Variants in CANX observed in about 807,000 individuals in gnomAD.
CANX encodes epididymis secretory sperm binding protein.
CANX carries 14 observed loss-of-function variants against 75.7 expected under a neutral mutation model. That is an observed-to-expected ratio of 0.19 (90% CI 0.12 to 0.29). CANX has a LOEUF of 0.29. Among genes scored for constraint, CANX ranks in the 10% least tolerant of loss-of-function variants. The pLI, the probability that CANX is intolerant of heterozygous loss-of-function variation, is 1.00. For missense variants in CANX, 567 were observed against 713.2 expected (o/e 0.79, Z 2.34); for synonymous variants, 227 against 236.9 (o/e 0.96, Z 0.38).
intron 12 of CANX, 91 bp from the exon 13 acceptor site, chr5:179,724,566 C>A: frequency 9.4e-7 from 1 of 1,066,218 alleles, no homozygotes; most frequent in Non-Finnish European, 1.4e-6. Context: ...TGTATACAGC[C>A]TGGAACAGAA....
intron 7 of CANX, among the ~76,000 whole-genome samples, chr5:179,711,162 A>G (rs906047727): frequency 6.6e-5 from 10 of 152,220 alleles, no homozygotes; most frequent in Admixed American, 3.3e-4. Flanking sequence ...GGTGGCCCAC[A>G]CCTGTAATCC....
Position 179,724,730 on chromosome 5 carries a change from A to G in CANX, c.1592A>G (p.Lys531Arg). 1 of 1,612,310 alleles carries G rather than the reference A, an allele frequency of 6.2e-7. No homozygotes were observed. The highest frequency in any genetic ancestry group is 8.5e-7 in the Non-Finnish European group (1 of 1,178,324). The change falls in exon 13 of 15, where the codon AAG becomes AGG. Residue 531 changes from lysine (K) to arginine (R), a missense_variant. By Grantham distance (26) the Lys-to-Arg change is conservative (BLOSUM62 2). Around this residue, in one of 3 missense-constraint regions of CANX, gnomAD observed 167 missense variants for 179.3 expected, o/e 0.93. Coordinates refer to ENST00000247461, the MANE Select transcript of CANX (RefSeq NM_001746.4). Reference sequence around the variant, plus strand: ...GATGTGAAGGAAGAGGAAGAAGAGAAGGAAGAGGAAAAGGACAAGGGAGAT... The same window carrying G: ...GATGTGAAGGAAGAGGAAGAAGAGAGGGAAGAGGAAAAGGACAAGGGAGAT... The part of the protein sequence containing the change: ...QPDVKEEEEE[K>R]EEEKDKGDEE...
chr5:179,694,879 A>G (rs1581825284), upstream of CANX: 1 of 363,312 alleles, frequency 2.8e-6, no homozygotes, highest in East Asian at 5.7e-5. Flanking sequence ...ATGAGCAAGG[A>G]TGAGGGTGGC....
At chr5:179,681,273 A>C (rs1281292978) in intron 1 of CANX, among the ~76,000 whole-genome samples, 1 of 152,176 alleles carries the variant, frequency 6.6e-6, no homozygotes, top group Non-Finnish European at 1.5e-5. Context: ...GAATGAAGGG[A>C]GTGATCATAA....
intron 7 of CANX, among the ~76,000 whole-genome samples, chr5:179,715,405 G>C (rs999746704): frequency 6.6e-6 from 1 of 152,044 alleles, no homozygotes; most frequent in African/African-American, 2.4e-5. Flanking sequence ...ATGGTGGCAC[G>C]GGGCCGTCTG....
rs764804274 is a variant in CANX at position 179,726,770 on chromosome 5, G to A, written c.1725+11G>A. On this transcript the variant is annotated intron_variant, in intron 14 of 14. Coordinates refer to ENST00000247461, the MANE Select transcript of CANX (RefSeq NM_001746.4). ...AAACCTAAAGCAGAGGTAAAGGAAAGGGGTCACACATTTTGTTTTACCAAG... is the reference window on the plus strand; with the variant it reads ...AAACCTAAAGCAGAGGTAAAGGAAAAGGGTCACACATTTTGTTTTACCAAG... The A allele has an allele frequency of 1.4e-5, 22 of 1,591,950 alleles. No homozygotes were observed. In the South Asian group the frequency reaches 1.9e-4, roughly 14 times the overall value.
At chr5:179,681,439 G>A (rs915390505) in intron 1 of CANX, among the ~76,000 whole-genome samples, 1 of 152,180 alleles carries the variant, frequency 6.6e-6, no homozygotes, top group Non-Finnish European at 1.5e-5. Flanking sequence ...TCAGGAGAAG[G>A]GGGTGAGGGA....
chr5:179,712,810 G>C (rs1054969583), intron 7 of CANX, among the ~76,000 whole-genome samples: 3 of 151,590 alleles, frequency 2.0e-5, no homozygotes, highest in African/African-American at 7.3e-5. Context: ...TGTGACGTCT[G>C]CCTCCCGGGT....
chr5:179,706,407 A>G, intron 3 of CANX, 76 bp downstream of exon 3: 12 of 697,372 alleles, frequency 1.7e-5, no homozygotes, highest in Non-Finnish European at 2.8e-5. Context: ...CTTTTTGGAT[A>G]GCATCTTTTA....
intron 14 of CANX, among the ~76,000 whole-genome samples, chr5:179,727,302 C>T (rs1306442524): frequency 7.9e-5 from 12 of 152,184 alleles, no homozygotes; most frequent in Admixed American, 7.9e-4. Context: ...GTAAACAACA[C>T]AGCGTATTAG....
intron 7 of CANX, chr5:179,715,884 T>A: frequency 1.6e-6 from 1 of 621,618 alleles, no homozygotes; most frequent in South Asian, 1.6e-5. Context: ...AACTATCATT[T>A]GCTGTAATTC....
intron 11 of CANX, 38 bp from the exon 12 acceptor site, chr5:179,723,616 TGTCAAA>T: frequency 6.2e-7 from 1 of 1,603,952 alleles, no homozygotes; most frequent in Middle Eastern, 1.7e-4. Context: ...CTATGTTTGG[TGTCAAA>T]AGCTGGAACT....
intron 7 of CANX, among the ~76,000 whole-genome samples, chr5:179,712,398 G>A (rs1311775122): frequency 1.3e-5 from 2 of 151,460 alleles, no homozygotes; most frequent in Non-Finnish European, 2.9e-5. Context: ...AAATAGGCAT[G>A]CCTCTTTCTG....
chr5:179,716,946 G>C (rs549439280), intron 8 of CANX, among the ~76,000 whole-genome samples: 1 of 152,174 alleles, frequency 6.6e-6, no homozygotes, highest in Non-Finnish European at 1.5e-5. Context: ...GAAGAATGTC[G>C]TATGCAGAAG....
intron 1 of CANX, chr5:179,700,763 A>C (rs1776684865): frequency 6.5e-6 from 1 of 152,982 alleles, no homozygotes; most frequent in Non-Finnish European, 1.5e-5. Flanking sequence ...TTTTAGTTAG[A>C]GTTCTCTTTG....
intron 1 of CANX, among the ~76,000 whole-genome samples, chr5:179,684,901 T>TACAC: frequency 7.0e-6 from 1 of 143,496 alleles, no homozygotes; most frequent in African/African-American, 2.6e-5. Flanking sequence ...TACAGGCGTG[T>TACAC]GCCACCACAC....
At chr5:179,698,868 C>T (rs548613789), upstream of CANX, 153 of 1,098,082 alleles carry the variant, frequency 1.4e-4, 2 homozygotes, top group African/African-American at 2.3e-3. Flanking sequence ...GATGTCGGGG[C>T]TTGCGCGGGA....
intron 7 of CANX, among the ~76,000 whole-genome samples, chr5:179,712,117 G>GTTTT (rs766549898): frequency 1.6e-5 from 2 of 127,806 alleles, no homozygotes; most frequent in East Asian, 2.3e-4. Context: ...AAAAAAAGGT[G>GTTTT]TTTTTTTTTT....
rs1776330519 is a variant in CANX at position 179,693,179 on chromosome 5, G to T, written c.-3-12500G>T. Among the ~76,000 whole-genome samples, 3 of 150,150 alleles carry T rather than the reference G, an allele frequency of 2.0e-5. No individual in the cohort carries two copies. In the South Asian group the frequency reaches 6.3e-4, roughly 31 times the overall value. On this transcript the variant is annotated intron_variant, in intron 1 of 14. Transcript: ENST00000681674. ...AAAAAAAAAAGACAAACCCTATAGT[G>T]GAAAAATGGACAAACGACATGAATA... is the stretch of plus-strand genomic sequence containing the variant.
Sources: allele counts gnomAD v4.1 joint callset (sites outside exome capture counted in the v4.1 genomes callset), GRCh38; gene constraint gnomAD v4.1.1; regional missense constraint gnomAD v4.1.1; transcripts MANE v1.5; gene names NCBI Gene and HGNC (gene_info 2026-07-23, HGNC 2026-07-21).